UNKL: variants seen among roughly 807,000 people sequenced by gnomAD.
The protein encoded by UNKL is putative E3 ubiquitin-protein ligase UNKL.
In UNKL, 60 loss-of-function variants were observed where a neutral mutation model predicts 78.0. That is an observed-to-expected ratio of 0.77 (90% confidence interval 0.63 to 0.95). The LOEUF (loss-of-function observed/expected upper bound fraction) is 0.95. Among genes scored for constraint, UNKL ranks in the 40% least tolerant of loss-of-function variants. The pLI is 0.00. For missense variants in UNKL, 1,159 were observed against 1,045.7 expected (o/e 1.11, Z -1.49); for synonymous variants, 608 against 474.8 (o/e 1.28, Z -3.65).
In UNKL at chr16:1,401,535, C is replaced by G. The variant is rs374037941; in HGVS notation, c.598+33G>C. 35 of 1,409,590 alleles carry G rather than the reference C, an allele frequency of 2.5e-5. No individual in the cohort carries two copies. In the East Asian group the frequency reaches 5.1e-4, roughly 20 times the overall value. The allele number at this position is 1,409,590 out of a possible 1,614,324, so 87.3% of individuals were successfully genotyped here. On this transcript the variant is annotated intron_variant, in intron 4 of 14. Transcript: ENST00000389221. ...GTTCTCGCGCTGTGCCCGCCCCCCC[C>G]ACCACCGCCCTCAGCTGCGGCCGTG...
rs760992051 is a variant in UNKL at position 1,397,225 on chromosome 16, C to T, written c.805G>A (p.Gly269Ser). 17 of 1,545,600 alleles carry T rather than the reference C, an allele frequency of 1.1e-5. No homozygotes were observed. Among genetic ancestry groups the T allele is most frequent in the African/African-American group, 2.7e-5 (2 of 72,994 alleles). The change falls in exon 6 of 15, where the codon GGC becomes AGC. Residue 269 changes from glycine to serine, a missense_variant. Physicochemically the swap from Gly to Ser is moderately conservative, Grantham distance 56. Coordinates refer to ENST00000389221, the MANE Select transcript of UNKL (RefSeq NM_001372107.1). The stretch of plus-strand genomic sequence containing the variant: ...GTGCGGGAGTGGCAATACTGGCAGC[C>T]GTCGCCGCCATCGCAGCGTGAGGGT... ...GEPSRCDGGD[G>S]CQYCHSRTEQ...
chr16:1,377,302 C>G (rs112201069), intron 10 of UNKL, among the ~76,000 whole-genome samples: 2 of 152,110 alleles, frequency 1.3e-5, no homozygotes, highest in African/African-American at 4.8e-5. Context: ...ATTACAGGTG[C>G]AAGCCACCAT....
chr16:1,367,413 C>T, intron 13 of UNKL, 64 bp from the exon 14 acceptor site: 2 of 1,485,786 alleles, frequency 1.3e-6, no homozygotes, highest in Non-Finnish European at 1.8e-6. Context: ...ACCCTCTTGC[C>T]TGTGTCACCA....
At chr16:1,369,784 G>A (rs1026221954) in intron 12 of UNKL, 30 of 707,112 alleles carry the variant, frequency 4.2e-5, no homozygotes, top group Admixed American at 5.2e-5. Flanking sequence ...AGACCGGCCC[G>A]GCCAGCGTGA....
chr16:1,376,706 A>ACC (rs34842051), intron 10 of UNKL, among the ~76,000 whole-genome samples: 171 of 151,770 alleles, frequency 1.1e-3, no homozygotes, highest in African/African-American at 2.9e-3. Context: ...ACATTCCAAG[A>ACC]CCCCCCCATG....
rs1262865520 is a variant in UNKL, at chr16:1,398,221, G to A, written c.735-926C>T. ...AAATTACCTATGTTCCTACTGCAGT[G>A]AGCTGAGACTGCACCACCGCACTCC... On this transcript the variant is annotated intron_variant, in intron 5 of 14. Coordinates refer to ENST00000389221, the MANE Select transcript of UNKL (RefSeq NM_001372107.1). The A allele has an allele frequency of 5.1e-6, 4 of 782,520 alleles. No homozygotes were observed. The African/African-American group carries it at 7.6e-5, about 15-fold the overall frequency. The allele number at this position is 782,520 out of a possible 1,614,324, so 48.5% of individuals were successfully genotyped here.
intron 8 of UNKL, among the ~76,000 whole-genome samples, chr16:1,391,574 C>G (rs2037054447): frequency 6.6e-6 from 1 of 152,176 alleles, no homozygotes; most frequent in Non-Finnish European, 1.5e-5. Context: ...GCCTGGTTTA[C>G]AGGCGTGAGC....
In UNKL at chr16:1,399,646, C is replaced by A. The variant is rs1249004601; in HGVS notation, c.599-137G>T. The A allele has an allele frequency of 7.7e-7, 1 of 1,291,176 alleles. No homozygotes were observed. The highest frequency in any genetic ancestry group is 1.5e-5 in the African/African-American group (1 of 66,736). The allele number at this position is 1,291,176 out of a possible 1,614,324, so 80.0% of individuals were successfully genotyped here. Reference sequence around the variant, plus strand: ...GGACTTGGGGAGCGCAGACACACGCCACGGCACACGCTGATGTCAAAGGAC... The same window carrying A: ...GGACTTGGGGAGCGCAGACACACGCAACGGCACACGCTGATGTCAAAGGAC... On this transcript the variant is annotated intron_variant, in intron 4 of 14. Transcript: ENST00000389221. This position sits in a 1 kb window ranked among gnomAD's most constrained non-coding sequence, Gnocchi z 5.8.
At chr16:1,414,562 C>T in intron 1 of UNKL, 53 bp downstream of exon 1, 1 of 851,208 alleles carries the variant, frequency 1.2e-6, no homozygotes. Flanking sequence ...CGGCGGGAGG[C>T]TCCGAGCTGC....
At chr16:1,385,143 C>T (rs2036758651) in intron 10 of UNKL, 65 bp downstream of exon 10, 2 of 1,147,504 alleles carry the variant, frequency 1.7e-6, no homozygotes, top group South Asian at 7.9e-5. Flanking sequence ...AAGCGCTGTC[C>T]CTGAAAAGCT....
intron 9 of UNKL, among the ~76,000 whole-genome samples, chr16:1,386,278 C>T (rs967233437): frequency 5.9e-5 from 9 of 152,106 alleles, no homozygotes; most frequent in Non-Finnish European, 1.3e-4. Context: ...CAAGGCCGGG[C>T]GCGGTGGCTC....
chr16:1,389,418 T>C (rs2036953239), intron 9 of UNKL, among the ~76,000 whole-genome samples: 1 of 152,016 alleles, frequency 6.6e-6, no homozygotes, highest in Non-Finnish European at 1.5e-5. Context: ...TCTAAAAAAA[T>C]ACAAAAATTA....
chr16:1,408,064 C>T (rs973011829), intron 2 of UNKL, among the ~76,000 whole-genome samples: 1 of 152,090 alleles, frequency 6.6e-6, no homozygotes, highest in South Asian at 2.1e-4. Flanking sequence ...AAGATCGAGC[C>T]ACGGCACTCC....
chr16:1,413,613 G>C (rs1471017657), intron 2 of UNKL, among the ~76,000 whole-genome samples: 4 of 152,246 alleles, frequency 2.6e-5, no homozygotes, highest in Non-Finnish European at 5.9e-5. Context: ...AAATTGGTTT[G>C]AGTCACACAA....
intron 10 of UNKL, among the ~76,000 whole-genome samples, chr16:1,372,840 G>C (rs574866894): frequency 6.6e-6 from 1 of 150,704 alleles, no homozygotes; most frequent in South Asian, 2.1e-4. Flanking sequence ...ACCGCACAGG[G>C]ACTGCCGGCC....
At position 1,367,746 on chromosome 16, in the gene UNKL, G is replaced by T; in HGVS notation, c.1698C>A (p.Asn566Lys). ...GPPSSSSASP[N>K]GAELARVRRQ... ...GCCTGACCCGGGCCAGCTCAGCTCC[G>T]TTTGGACTTGCACTCGAAGAGGATG... Residue 566 changes from asparagine to lysine, a missense_variant, in exon 13 of 15, where the codon AAC (asparagine) becomes AAA (lysine). Physicochemically the swap from Asn to Lys is moderately conservative, Grantham distance 94. Transcript: ENST00000389221. The T allele has an allele frequency of 6.3e-7, 1 of 1,576,508 alleles. No homozygotes were observed. Among genetic ancestry groups the T allele is most frequent in the Non-Finnish European group, 8.6e-7 (1 of 1,161,900 alleles).
At chr16:1,370,103 G>GCC in intron 12 of UNKL, 27 bp downstream of exon 12, 4 of 1,540,806 alleles carry the variant, frequency 2.6e-6, no homozygotes, top group Non-Finnish European at 3.5e-6. Context: ...TCACGGCAAC[G>GCC]CCAGCATGGA....
At chr16:1,398,567 G>A (rs970526433) in intron 5 of UNKL, 8 of 1,390,344 alleles carry the variant, frequency 5.8e-6, no homozygotes, top group Non-Finnish European at 6.5e-6. Flanking sequence ...GCAGCACCAG[G>A]TCATTCAAAA....
chr16:1,409,175 G>T (rs111800416), intron 2 of UNKL, among the ~76,000 whole-genome samples: 2 of 152,206 alleles, frequency 1.3e-5, no homozygotes, highest in South Asian at 4.1e-4. Flanking sequence ...GCCTCCCAAA[G>T]TGCTGGGATT....
Sources: gnomAD v4.1 joint callset for allele counts (sites outside exome capture counted in the v4.1 genomes callset) on GRCh38, gnomAD v4.1.1 for gene constraint, Gnocchi (gnomAD v3.1) non-coding constraint, MANE v1.5 for transcripts, NCBI Gene and HGNC (gene_info 2026-07-23, HGNC 2026-07-21) for gene names.